Variants in KCNH6 observed in about 807,000 individuals in gnomAD.
KCNH6 encodes voltage-gated inwardly rectifying potassium channel KCNH6.
A neutral mutation model predicts 83.4 loss-of-function variants in KCNH6; 81 were observed. The observed-to-expected ratio is 0.97, with a 90% CI of 0.81 to 1.17. KCNH6 has a LOEUF of 1.17. KCNH6 is among the 50% of genes most tolerant of loss of function. KCNH6 has a pLI of 0.00. For missense variants in KCNH6, 1,203 were observed against 1,290.5 expected, an observed-to-expected ratio of 0.93 and a Z score of 1.04; for synonymous variants, 503 against 545.6, an observed-to-expected ratio of 0.92 and a Z score of 1.09.
intron 2 of KCNH6, among the ~76,000 whole-genome samples, chr17:63,527,925 A>G (rs9914151): frequency 6.6e-6 from 1 of 151,920 alleles, no homozygotes; most frequent in Non-Finnish European, 1.5e-5. Flanking sequence ...CCAGCCCCAG[A>G]CCTCACTGCT....
At chr17:63,536,309 C>T in intron 6 of KCNH6, 1 of 540,330 alleles carries the variant, frequency 1.9e-6, no homozygotes. Context: ...ATTTGCAGAG[C>T]CCAGAGCAAA....
Position 63,544,373 on chromosome 17 carries a change from G to A in KCNH6, c.2358G>A (p.Leu786=), listed in dbSNP as rs758534942. ...QEDPDCWPLK[L]GSRLEQLQAQ... ...ACCCAGATTGCTGGCCTCTGAAGCT[G>A]GGCTCCAGGCTAGAGCAGCTCCAGG... Residue 786 remains leucine (L), a synonymous_variant, in exon 11 of 13, where the codon CTG becomes CTA. Transcript: ENST00000314672. 1 of 1,607,768 alleles carries A rather than the reference G, an allele frequency of 6.2e-7. No homozygotes were observed. The highest frequency in any genetic ancestry group is 8.5e-7 in the Non-Finnish European group (1 of 1,177,024).
Position 63,533,924 on chromosome 17 carries a change from G to A in KCNH6, c.714G>A (p.Lys238=). Residue 238 remains lysine, a synonymous_variant, in exon 5 of 13, where the codon AAG becomes AAA. Coordinates refer to ENST00000314672, the MANE Select transcript of KCNH6 (RefSeq NM_001278919.2). The surrounding 1 kb of genome is among the most constrained non-coding windows in gnomAD (Gnocchi z 4.1). ...SLGADVLPEY[K]LQAPRIHRWT... ...GCGCGGATGTGCTGCCGGAGTACAA[G>A]CTGCAGGCGCCGCGCATCCACCGCT... The A allele has an allele frequency of 6.2e-7, 1 of 1,613,896 alleles. No homozygotes were observed.
Position 63,545,862 on chromosome 17 carries a change from A to C in KCNH6, c.2837A>C (p.His946Pro), listed in dbSNP as rs771076870. Residue 946 changes from histidine (H) to proline (P), a missense_variant, in exon 13 of 13, where the codon CAT (histidine) becomes CCT (proline). Physicochemically the swap from His to Pro is moderately conservative, Grantham distance 77. Coordinates refer to ENST00000314672, the MANE Select transcript of KCNH6 (RefSeq NM_001278919.2). ...SVPKQLDFQR[H>P]GSDPGFAGSW... ...CCCAAGCAGCTGGACTTCCAGAGAC[A>C]TGGCTCAGATCCTGGATTTGCAGGG... 1.2e-6 allele frequency: 2 copies of C among 1,613,922 alleles called. No individual in the cohort carries two copies. The highest frequency in any genetic ancestry group is 1.7e-6 in the Non-Finnish European group (2 of 1,180,028).
chr17:63,531,415 T>C (rs1357015336), intron 4 of KCNH6, among the ~76,000 whole-genome samples: 1 of 152,230 alleles, frequency 6.6e-6, no homozygotes, highest in Non-Finnish European at 1.5e-5. Context: ...CAGACAAAGC[T>C]GTAAGTCATA....
At position 63,538,481 on chromosome 17, in the gene KCNH6, C is replaced by T. The variant is rs1380921939; in HGVS notation, c.1773C>T (p.His591=). Residue 591 remains histidine (H), a synonymous_variant, in exon 8 of 13, where the codon CAC becomes CAT. Coordinates refer to ENST00000314672, the MANE Select transcript of KCNH6 (RefSeq NM_001278919.2). The surrounding 1 kb of genome is among the most constrained non-coding windows in gnomAD (Gnocchi z 4.0). ...ACCTGCACCGCGCACTGCTGCAGCACTGCCCAGCTTTCAGCGGCGCCGGCA... is the reference window on the plus strand; with the variant it reads ...ACCTGCACCGCGCACTGCTGCAGCATTGCCCAGCTTTCAGCGGCGCCGGCA... ...CLHLHRALLQ[H]CPAFSGAGKG... 11 of 1,604,548 alleles carry T rather than the reference C, an allele frequency of 6.9e-6. No individual in the cohort carries two copies. Among genetic ancestry groups the T allele is most frequent in the Middle Eastern group, 1.6e-4 (1 of 6,070 alleles).
In KCNH6 at chr17:63,523,613, A is replaced by G. The variant is rs2031489274; in HGVS notation, c.76+124A>G. 1.2e-6 allele frequency: 1 copy of G among 819,888 alleles called. No individual in the cohort carries two copies. The highest frequency in any genetic ancestry group is 3.1e-5 in the East Asian group (1 of 32,456). The allele number at this position is 819,888 out of a possible 1,614,324, so 50.8% of individuals were successfully genotyped here. On this transcript the variant is annotated intron_variant, in intron 1 of 12. Transcript: ENST00000314672. The surrounding 1 kb of genome is among the most constrained non-coding windows in gnomAD (Gnocchi z 4.2). The stretch of plus-strand genomic sequence containing the variant: ...GTGAGTGCCGGGTGCTGAATGAAAA[A>G]TCCTTCTTTTGATGTCCCCAACACC...
rs1480863807 is a variant in KCNH6 at position 63,536,006 on chromosome 17, G to T, written c.1439G>T (p.Gly480Val). 6.2e-7 allele frequency: 1 copy of T among 1,613,854 alleles called. No individual in the cohort carries two copies. The highest frequency in any genetic ancestry group is 2.2e-5 in the East Asian group (1 of 44,876). The change falls in exon 6 of 13, where the codon GGC (glycine) becomes GTC (valine). Residue 480 changes from glycine (G) to valine (V), a missense_variant. Transcript: ENST00000314672. Reference sequence around the variant, plus strand: ...AGCAGCCTCACCAGCGTGGGCTTCGGCAATGTCTCGCCCAACACCAACTCC... The same window carrying T: ...AGCAGCCTCACCAGCGTGGGCTTCGTCAATGTCTCGCCCAACACCAACTCC... ...TFSSLTSVGFGNVSPNTNSEK... is the reference protein window; with the variant it reads ...TFSSLTSVGFVNVSPNTNSEK...
chr17:63,545,731 T>C lies in KCNH6; in HGVS notation c.2706T>C (p.Pro902=). Residue 902 remains proline (P), a synonymous_variant, in exon 13 of 13, where the codon CCT becomes CCC. Transcript: ENST00000314672. ...TLAPSSEQEQ[P]EGLWPPLASP... ...CACCATCCTCAGAACAGGAACAGCC[T>C]GAGGGGCTCTGGCCACCCCTAGCCT... is the stretch of plus-strand genomic sequence containing the variant. The C allele has an allele frequency of 6.2e-7, 1 of 1,614,106 alleles. No homozygotes were observed. The highest frequency in any genetic ancestry group is 2.2e-5 in the East Asian group (1 of 44,870).
At position 63,538,302 on chromosome 17, in the gene KCNH6, G is replaced by GT. The variant is rs773698656; in HGVS notation, c.1701+38_1701+39insT. On this transcript the variant is annotated intron_variant, in intron 7 of 12. Transcript: ENST00000314672. The surrounding 1 kb of genome is among the most constrained non-coding windows in gnomAD (Gnocchi z 4.0). ...GCTCCGGCTAATGCCCCGGGCGTGG[G>GT]GGGGAGCCAAGATCCTGCGGGGGCG... The GT allele has an allele frequency of 6.2e-7, 1 of 1,611,962 alleles. No individual in the cohort carries two copies. Among genetic ancestry groups the GT allele is most frequent in the Non-Finnish European group, 8.5e-7 (1 of 1,178,916 alleles).
At position 63,536,027 on chromosome 17, in the gene KCNH6, A is replaced by G; in HGVS notation, c.1460A>G (p.Asn487Ser). The stretch of plus-strand genomic sequence containing the variant: ...TTCGGCAATGTCTCGCCCAACACCA[A>G]CTCCGAGAAGGTCTTCTCCATCTGC... ...VGFGNVSPNT[N>S]SEKVFSICVM... Residue 487 changes from asparagine to serine, a missense_variant, in exon 6 of 13, where the codon AAC becomes AGC. Transcript: ENST00000314672. The G allele has an allele frequency of 2.5e-6, 4 of 1,613,344 alleles. No individual in the cohort carries two copies. Among genetic ancestry groups the G allele is most frequent in the Admixed American group, 1.7e-5 (1 of 59,972 alleles).
Position 63,546,018 on chromosome 17 carries a change from G to C in KCNH6, c.*116G>C, listed in dbSNP as rs1279116125. ...TGTAATCCCAGCACTTTGGGAGGCC[G>C]AGGCGGGCGGATCAGACCATCCTGG... On this transcript the variant is annotated 3_prime_UTR_variant, in exon 13 of 13. Coordinates refer to ENST00000314672, the MANE Select transcript of KCNH6 (RefSeq NM_001278919.2). 4.4e-6 allele frequency: 4 copies of C among 900,480 alleles called. No homozygotes were observed. The highest frequency in any genetic ancestry group is 5.1e-6 in the Non-Finnish European group (3 of 593,582). The allele number at this position is 900,480 out of a possible 1,614,324, so 55.8% of individuals were successfully genotyped here. A position where few individuals can be genotyped will look rare whatever the true frequency, so the allele number is the denominator to read the frequency against.
chr17:63,524,520 T>TCATATCCAATGCCTG, intron 2 of KCNH6, 151 bp downstream of exon 2: 1 of 643,332 alleles, frequency 1.6e-6, no homozygotes, highest in Non-Finnish European at 2.7e-6. Flanking sequence ...TCCACAGGCA[T>TCATATCCAATGCCTG]TGGATATGAT....
intron 2 of KCNH6, among the ~76,000 whole-genome samples, chr17:63,525,921 C>G (rs1568064509): frequency 6.6e-6 from 1 of 152,206 alleles, no homozygotes; most frequent in Non-Finnish European, 1.5e-5. Flanking sequence ...ATGGGGGTTA[C>G]AGCAGGTCCT....
chr17:63,545,852 T>A lies in KCNH6; in HGVS notation c.2827T>A (p.Phe943Ile), dbSNP rs773270136. 6 of 1,614,096 alleles carry A rather than the reference T, an allele frequency of 3.7e-6. No individual in the cohort carries two copies. In the South Asian group the frequency reaches 6.6e-5, roughly 18 times the overall value. Residue 943 changes from phenylalanine to isoleucine, a missense_variant, in exon 13 of 13, where the codon TTC (phenylalanine) becomes ATC (isoleucine). Physicochemically the swap from Phe to Ile is conservative, Grantham distance 21. Transcript: ENST00000314672. ...HLGSVPKQLDFQRHGSDPGFA... is the reference protein window; with the variant it reads ...HLGSVPKQLDIQRHGSDPGFA... The stretch of plus-strand genomic sequence containing the variant: ...TGGCTCTGTTCCCAAGCAGCTGGAC[T>A]TCCAGAGACATGGCTCAGATCCTGG...
In KCNH6 at chr17:63,530,270, T is replaced by A. The variant is rs376428921; in HGVS notation, c.469+18T>A. 1 of 1,613,272 alleles carries A rather than the reference T, an allele frequency of 6.2e-7. No homozygotes were observed. The highest frequency in any genetic ancestry group is 8.5e-7 in the Non-Finnish European group (1 of 1,179,610). On this transcript the variant is annotated intron_variant, in intron 3 of 12. Transcript: ENST00000314672. Reference sequence around the variant, plus strand: ...GGGCTCCGGTGAGGCAGAGTGAGGGTGGTGGTGGGAGGGACGCATGAGGGT... The same window carrying A: ...GGGCTCCGGTGAGGCAGAGTGAGGGAGGTGGTGGGAGGGACGCATGAGGGT...
chr17:63,536,162 A>G, intron 6 of KCNH6, 94 bp downstream of exon 6: 2 of 1,126,142 alleles, frequency 1.8e-6, no homozygotes, highest in Admixed American at 1.9e-5. Flanking sequence ...AACATAACAC[A>G]TAGCAACAAT....
In KCNH6 at chr17:63,545,909, A is replaced by AGATAAAGACACCATGAGGGGACTGAAG. The variant is rs769781378; in HGVS notation, c.*9_*35dup. The AGATAAAGACACCATGAGGGGACTGAAG allele has an allele frequency of 1.9e-6, 3 of 1,612,900 alleles. No homozygotes were observed. In the South Asian group the frequency reaches 3.3e-5, roughly 18 times the overall value. On this transcript the variant is annotated 3_prime_UTR_variant, in exon 13 of 13. Transcript: ENST00000314672. ...AGGGAGTTGGGGCCACTGAACTCCA[A>AGATAAAGACACCATGAGGGGACTGAAG]GATAAAGACACCATGAGGGGACTGA... is the stretch of plus-strand genomic sequence containing the variant.
In KCNH6 at chr17:63,523,418, C is replaced by T. The variant is rs757621083; in HGVS notation, c.5C>T (p.Pro2Leu). The T allele has an allele frequency of 6.3e-7, 1 of 1,593,902 alleles. No homozygotes were observed. The highest frequency in any genetic ancestry group is 1.7e-5 in the Admixed American group (1 of 58,472). Residue 2 changes from proline to leucine, a missense_variant, in exon 1 of 13, where the codon CCG becomes CTG. By Grantham distance (98) the Pro-to-Leu change is moderately conservative. Coordinates refer to ENST00000314672, the MANE Select transcript of KCNH6 (RefSeq NM_001278919.2). This position sits in a 1 kb window ranked among gnomAD's most constrained non-coding sequence, Gnocchi z 4.2. Reference sequence around the variant, plus strand: ...GGCAGGGGCCGCGGCCGAAAGATGCCGGTCCGCAGGGGCCACGTCGCTCCC... The same window carrying T: ...GGCAGGGGCCGCGGCCGAAAGATGCTGGTCCGCAGGGGCCACGTCGCTCCC... Reference protein sequence around the residue: MPVRRGHVAPQN... With the variant: MLVRRGHVAPQN...
Sources: gnomAD v4.1 joint callset for allele counts (sites outside exome capture counted in the v4.1 genomes callset) on GRCh38, gnomAD v4.1.1 for gene constraint, Gnocchi (gnomAD v3.1) non-coding constraint, MANE v1.5 for transcripts, NCBI Gene and HGNC (gene_info 2026-07-23, HGNC 2026-07-21) for gene names.